AP1B1: variants seen among roughly 807,000 people sequenced by gnomAD.
AP1B1 encodes the protein adaptor related protein complex 1 subunit beta 1.
In AP1B1, 36 loss-of-function variants were observed where a neutral mutation model predicts 104.3. The ratio of observed to expected loss-of-function variants is 0.35; its 90% CI spans 0.26 to 0.46. AP1B1 has a LOEUF of 0.46. AP1B1 is among the 20% of genes least tolerant of loss of function. The pLI, the probability that AP1B1 is intolerant of heterozygous loss-of-function variation, is 1.00. For synonymous variants in AP1B1, 504 were observed against 517.5 expected, an observed-to-expected ratio of 0.97 and a Z score of 0.35; for missense variants, 901 against 1,247.9, an observed-to-expected ratio of 0.72 and a Z score of 4.19.
chr22:29,385,300 C>T (rs1410027914), intron 1 of AP1B1, among the ~76,000 whole-genome samples: 4 of 152,138 alleles, frequency 2.6e-5, no homozygotes, highest in South Asian at 2.1e-4. Flanking sequence ...GCAGGAGGAT[C>T]GTTCAAGCCC....
chr22:29,333,045 A>C lies in AP1B1; in HGVS notation c.2310-1129T>G, dbSNP rs992987180. On this transcript the variant is annotated intron_variant, in intron 17 of 22. Coordinates refer to ENST00000357586, the MANE Select transcript of AP1B1 (RefSeq NM_001127.4). ...TTTGCTAGAGGCAACCATTGGAACC[A>C]CCTCTCGGAGCCTGGTGCACTTCTG... 4 of 152,844 alleles carry C rather than the reference A, an allele frequency of 2.6e-5. No homozygotes were observed. In the Admixed American group the frequency reaches 2.6e-4, roughly 10 times the overall value. 9.5% of individuals were successfully genotyped at this position (152,844 alleles called of 1,614,324 possible).
chr22:29,375,059 A>C (rs910091051), intron 1 of AP1B1, among the ~76,000 whole-genome samples: 1 of 152,240 alleles, frequency 6.6e-6, no homozygotes, highest in Admixed American at 6.5e-5. Context: ...GCAAAAGAAT[A>C]GGCAGTTCTG....
intron 16 of AP1B1, among the ~76,000 whole-genome samples, chr22:29,337,363 G>C (rs1403993735): frequency 6.6e-6 from 1 of 152,216 alleles, no homozygotes; most frequent in African/African-American, 2.4e-5. Context: ...GCGGCTACTA[G>C]TGTCCGAGTT....
intron 11 of AP1B1, 98 bp from the exon 12 acceptor site, chr22:29,342,481 C>T: frequency 1.0e-6 from 1 of 987,852 alleles, no homozygotes; most frequent in Non-Finnish European, 1.5e-6. Flanking sequence ...TTCAAAGTCC[C>T]TGGAAGCCAA....
In AP1B1 at chr22:29,372,769, ATCTT is replaced by A. The variant is rs1346419058; in HGVS notation, c.-27-5503_-27-5500del. ...ATTTTAGGAACAAGAAATATAGACT[ATCTT>A]TCTGTGTTTTAAGCTAATAAAATGA... On this transcript the variant is annotated intron_variant, in intron 1 of 22. Coordinates refer to ENST00000357586, the MANE Select transcript of AP1B1 (RefSeq NM_001127.4). Among the ~76,000 whole-genome samples, 10 of 152,308 alleles carry A rather than the reference ATCTT, an allele frequency of 6.6e-5. No homozygotes were observed. In the South Asian group the frequency reaches 8.3e-4, roughly 13 times the overall value.
At position 29,351,314 on chromosome 22, in the gene AP1B1, T is replaced by C. The variant is rs535711208; in HGVS notation, c.1060-48A>G. On this transcript the variant is annotated intron_variant, in intron 8 of 22. Coordinates refer to ENST00000357586, the MANE Select transcript of AP1B1 (RefSeq NM_001127.4). Reference sequence around the variant, plus strand: ...GGGGCTGGGGCACCTGATGGGGCAATCTGCTGGAACACTCCTGGGCAGTGA... The same window carrying C: ...GGGGCTGGGGCACCTGATGGGGCAACCTGCTGGAACACTCCTGGGCAGTGA... The C allele has an allele frequency of 3.0e-4, 482 of 1,584,502 alleles. 6 individuals are homozygous for C. The South Asian group carries it at 5.0e-3, about 16-fold the overall frequency.
intron 1 of AP1B1, among the ~76,000 whole-genome samples, chr22:29,372,924 A>G (rs986955772): frequency 6.6e-6 from 1 of 152,220 alleles, no homozygotes; most frequent in African/African-American, 2.4e-5. Context: ...ATTGGTGACA[A>G]CCTTTAAAAG....
chr22:29,341,978 C>A (rs2061722625), intron 12 of AP1B1, among the ~76,000 whole-genome samples: 1 of 152,254 alleles, frequency 6.6e-6, no homozygotes, highest in Non-Finnish European at 1.5e-5. Flanking sequence ...CCATGCCTGT[C>A]TCTACTCCCA....
At chr22:29,351,919 T>C (rs765571743) in intron 7 of AP1B1, 94 bp from the exon 8 acceptor site, 46 of 1,504,838 alleles carry the variant, frequency 3.1e-5, no homozygotes, top group Non-Finnish European at 3.8e-5. Context: ...TTCTGGGGTC[T>C]GAGGTGGAGC....
intron 1 of AP1B1, among the ~76,000 whole-genome samples, chr22:29,383,690 CAAAAAAAA>C (rs35180572): frequency 1.1e-5 from 1 of 89,808 alleles, no homozygotes; most frequent in African/African-American, 4.5e-5. Flanking sequence ...GACTCCGTCT[CAAAAAAAA>C]AAAAAAAAAA....
In AP1B1 at chr22:29,358,990, C is replaced by T. The variant is rs759775195; in HGVS notation, c.280-19G>A. The T allele has an allele frequency of 2.0e-5, 32 of 1,592,310 alleles. No homozygotes were observed. Among genetic ancestry groups the T allele is most frequent in the African/African-American group, 2.0e-4 (15 of 74,702 alleles). ...CACAGTCCTGGGGGGAACCAGCCAT[C>T]GGCCAGGGCAGGGGTGGGATGAGCC... On this transcript the variant is annotated intron_variant, in intron 4 of 22. Transcript: ENST00000357586.
At chr22:29,344,447 G>T (rs539969091) in intron 11 of AP1B1, among the ~76,000 whole-genome samples, 116 of 150,958 alleles carry the variant, frequency 7.7e-4, no homozygotes, top group African/African-American at 2.7e-3. Flanking sequence ...CATTGCCCCT[G>T]CCATCCAGAC....
At chr22:29,339,674 C>T (rs2061686009) in intron 15 of AP1B1, 80 bp downstream of exon 15, 3 of 1,494,034 alleles carry the variant, frequency 2.0e-6, no homozygotes, top group Non-Finnish European at 9.2e-7. Flanking sequence ...CATCACCCGC[C>T]CCCGCCCCTT....
At chr22:29,356,375 G>C in intron 6 of AP1B1, 51 bp downstream of exon 6, 1 of 1,556,668 alleles carries the variant, frequency 6.4e-7, no homozygotes, top group Non-Finnish European at 8.7e-7. Flanking sequence ...TGGAGCCCCT[G>C]AGGACCAGGG....
intron 1 of AP1B1, among the ~76,000 whole-genome samples, chr22:29,368,604 T>C (rs1166338400): frequency 2.6e-5 from 4 of 152,198 alleles, no homozygotes; most frequent in Non-Finnish European, 5.9e-5. Flanking sequence ...CGATGTTACA[T>C]GACGTGCCCA....
intron 7 of AP1B1, among the ~76,000 whole-genome samples, chr22:29,354,422 C>T (rs954398131): frequency 6.6e-6 from 1 of 152,154 alleles, no homozygotes; most frequent in Admixed American, 6.5e-5. Context: ...CCTCTGCCCA[C>T]TAGAAGCCGG....
At chr22:29,342,559 G>A (rs548207335) in intron 11 of AP1B1, among the ~76,000 whole-genome samples, 176 bp from the exon 12 acceptor site, 12 of 152,342 alleles carry the variant, frequency 7.9e-5, no homozygotes, top group African/African-American at 2.6e-4. Context: ...TGTTGGTGCC[G>A]CTGAGCAGCC....
At chr22:29,333,614 T>C (rs1276296485) in intron 17 of AP1B1, among the ~76,000 whole-genome samples, 1 of 151,920 alleles carries the variant, frequency 6.6e-6, no homozygotes, top group East Asian at 1.9e-4. Flanking sequence ...CCCAGGAGGC[T>C]GAGGCAGGAG....
Position 29,351,724 on chromosome 22 carries a change from G to A in AP1B1, c.1040C>T (p.Ser347Phe). The change falls in exon 8 of 23, where the codon TCT becomes TTT. Residue 347 changes from serine (S) to phenylalanine (F), a missense_variant. Physicochemically the swap from Ser to Phe is radical, Grantham distance 155. Coordinates refer to ENST00000357586, the MANE Select transcript of AP1B1 (RefSeq NM_001127.4). Reference protein sequence around the residue: ...EKLDIMIRLASQANIAQVLAE... With the variant: ...EKLDIMIRLAFQANIAQVLAE... ...GCTGACCTGGGCGATGTTGGCCTGA[G>A]AGGCCAGGCGGATCATGATGTCCAG... The A allele has an allele frequency of 1.2e-6, 2 of 1,614,076 alleles. No individual in the cohort carries two copies. Among genetic ancestry groups the A allele is most frequent in the Non-Finnish European group, 1.7e-6 (2 of 1,180,034 alleles).
Sources: gnomAD v4.1 joint callset for allele counts (sites outside exome capture counted in the v4.1 genomes callset) on GRCh38, gnomAD v4.1.1 for gene constraint, MANE v1.5 for transcripts, NCBI Gene and HGNC (gene_info 2026-07-23, HGNC 2026-07-21) for gene names.